KHDRBS2: variants seen among roughly 807,000 people sequenced by gnomAD.
KHDRBS2 encodes the protein KH RNA binding domain containing, signal transduction associated 2.
In KHDRBS2, 26 loss-of-function variants were observed where a neutral mutation model predicts 44.3. That is an observed-to-expected ratio of 0.59 (90% CI 0.43 to 0.81). The LOEUF (loss-of-function observed/expected upper bound fraction) is 0.81, where lower values mean the gene tolerates loss of function less well. Among genes scored for constraint, KHDRBS2 ranks in the 40% least tolerant of loss-of-function variants. KHDRBS2 has a pLI of 0.00. For synonymous variants in KHDRBS2, 194 were observed against 151.1 expected (o/e 1.28, Z -2.08); for missense variants, 476 against 433.1 (o/e 1.10, Z -0.88).
rs536660092 is a variant in KHDRBS2 at position 61,694,464 on chromosome 6, G to T, written c.952+2731C>A. Among the ~76,000 whole-genome samples, 167 of 152,230 alleles carry T rather than the reference G, an allele frequency of 1.1e-3. 2 individuals carry two copies. The highest frequency in any genetic ancestry group is 3.4e-3 in the Middle Eastern group (1 of 294). ...TGATACCTATATGCAAATTTTCAATGAATTAAAGAAAGGCCCAGTTTGTGT... is the reference window on the plus strand; with the variant it reads ...TGATACCTATATGCAAATTTTCAATTAATTAAAGAAAGGCCCAGTTTGTGT... On this transcript the variant is annotated intron_variant, in intron 8 of 8. Coordinates refer to ENST00000281156, the MANE Select transcript of KHDRBS2 (RefSeq NM_152688.4).
At chr6:62,136,334 TG>T (rs1811518957) in intron 2 of KHDRBS2, among the ~76,000 whole-genome samples, 1 of 152,168 alleles carries the variant, frequency 6.6e-6, no homozygotes, top group Non-Finnish European at 1.5e-5. Flanking sequence ...ATAAGAAAAG[TG>T]GAACTAAGGC....
At chr6:62,182,813 C>T (rs1003902848) in intron 1 of KHDRBS2, among the ~76,000 whole-genome samples, 1 of 151,766 alleles carries the variant, frequency 6.6e-6, no homozygotes, top group African/African-American at 2.4e-5. Flanking sequence ...TTTAATACCT[C>T]CCCTATATGT....
chr6:61,860,831 A>C (rs954868416), intron 6 of KHDRBS2, among the ~76,000 whole-genome samples: 2 of 152,016 alleles, frequency 1.3e-5, no homozygotes, highest in African/African-American at 4.8e-5. Flanking sequence ...TTACTCTCCC[A>C]CCAAAAGTGT....
At chr6:62,068,285 A>G (rs145431184) in intron 2 of KHDRBS2, among the ~76,000 whole-genome samples, 1 of 151,702 alleles carries the variant, frequency 6.6e-6, no homozygotes, top group African/African-American at 2.4e-5. Context: ...GATATTGAAC[A>G]TCTTTTCATA....
At chr6:62,229,197 C>T (rs1429878314) in intron 1 of KHDRBS2, among the ~76,000 whole-genome samples, 1 of 152,038 alleles carries the variant, frequency 6.6e-6, no homozygotes, top group African/African-American at 2.4e-5. Context: ...TCCCTAAGCC[C>T]CTGGATGGAG....
chr6:61,918,252 C>T (rs111737702), intron 4 of KHDRBS2, among the ~76,000 whole-genome samples: 53 of 151,926 alleles, frequency 3.5e-4, no homozygotes, highest in South Asian at 1.2e-3. Flanking sequence ...CTATTCAAAA[C>T]GAAGAACTCC....
At chr6:61,709,373 A>G (rs1234016580) in intron 7 of KHDRBS2, among the ~76,000 whole-genome samples, 1 of 151,638 alleles carries the variant, frequency 6.6e-6, no homozygotes, top group Non-Finnish European at 1.5e-5. Context: ...TGATCTATAT[A>G]AGGCATCTAG....
chr6:61,578,700 T>G, the KHDRBS2 span, among the ~76,000 whole-genome samples: 4 of 152,204 alleles, frequency 2.6e-5, no homozygotes, highest in Non-Finnish European at 5.9e-5. Context: ...GTTATCTTTT[T>G]ACAGATTTGT....
the KHDRBS2 span, among the ~76,000 whole-genome samples, chr6:61,561,137 A>T: frequency 6.6e-6 from 1 of 152,064 alleles, no homozygotes; most frequent in South Asian, 2.1e-4. Flanking sequence ...CTGGATTACC[A>T]ATTAGAGACT....
chr6:62,055,934 T>C (rs1277567476), intron 2 of KHDRBS2, among the ~76,000 whole-genome samples: 1 of 152,000 alleles, frequency 6.6e-6, no homozygotes, highest in Non-Finnish European at 1.5e-5. Context: ...CAGTTCTTGG[T>C]CTTGGCAAGT....
chr6:61,609,026 A>C, the KHDRBS2 span, among the ~76,000 whole-genome samples: 1 of 152,188 alleles, frequency 6.6e-6, no homozygotes, highest in African/African-American at 2.4e-5. Flanking sequence ...TGTCTTCCAC[A>C]ATGGCTGAAC....
the KHDRBS2 span, among the ~76,000 whole-genome samples, chr6:61,593,516 C>G: frequency 6.7e-6 from 1 of 148,554 alleles, no homozygotes; most frequent in Non-Finnish European, 1.5e-5. Flanking sequence ...TCTCCTTAGT[C>G]TCTCACTTCT....
At chr6:62,139,689 C>G (rs1812363608) in intron 2 of KHDRBS2, among the ~76,000 whole-genome samples, 1 of 152,178 alleles carries the variant, frequency 6.6e-6, no homozygotes, top group African/African-American at 2.4e-5. Context: ...AACACCCTCT[C>G]CAGGACAATA....
Position 62,141,684 on chromosome 6 carries a change from A to G in KHDRBS2, c.219+35501T>C, listed in dbSNP as rs182416263. On this transcript the variant is annotated intron_variant, in intron 2 of 8. Transcript: ENST00000281156. ...CTTGATATATACATGCAATCCCTCT[A>G]TATAGTAAACATTTCTTCTTTTTCT... is the stretch of plus-strand genomic sequence containing the variant. Among the ~76,000 whole-genome samples, 463 of 152,222 alleles carry G rather than the reference A, an allele frequency of 3.0e-3. 2 individuals are homozygous for G. Among genetic ancestry groups the G allele is most frequent in the African/African-American group, 0.011 (437 of 41,556 alleles).
At chr6:62,085,552 C>A (rs1188789288) in intron 2 of KHDRBS2, among the ~76,000 whole-genome samples, 1 of 152,002 alleles carries the variant, frequency 6.6e-6, no homozygotes, top group Non-Finnish European at 1.5e-5. Flanking sequence ...GACTGCATCT[C>A]TAGAAGTCAA....
chr6:61,833,868 C>T (rs1158583064), intron 6 of KHDRBS2, among the ~76,000 whole-genome samples: 4 of 152,080 alleles, frequency 2.6e-5, no homozygotes, highest in Admixed American at 2.6e-4. Context: ...AAAATTTTCT[C>T]TCTCTGTTTG....
intron 3 of KHDRBS2, among the ~76,000 whole-genome samples, chr6:62,009,728 C>T (rs1277531348): frequency 6.6e-6 from 1 of 152,208 alleles, no homozygotes; most frequent in Non-Finnish European, 1.5e-5. Context: ...CAGGTCATGG[C>T]TTCAAAAGGT....
chr6:61,555,970 A>G, the KHDRBS2 span, among the ~76,000 whole-genome samples: 2 of 152,224 alleles, frequency 1.3e-5, no homozygotes, highest in East Asian at 3.9e-4. Flanking sequence ...TTCATTGGGC[A>G]GTGGCAGTGG....
chr6:61,992,618 C>T (rs6455131), intron 3 of KHDRBS2, among the ~76,000 whole-genome samples: 33,132 of 151,900 alleles, frequency 0.22, 3,751 homozygotes, highest in Admixed American at 0.29. Context: ...TGTTTGTGCG[C>T]GCGTGCGCAC....
Sources: gnomAD v4.1 joint callset for allele counts (sites outside exome capture counted in the v4.1 genomes callset) on GRCh38, gnomAD v4.1.1 for gene constraint, MANE v1.5 for transcripts, NCBI Gene and HGNC (gene_info 2026-07-23, HGNC 2026-07-21) for gene names.